The following SNTB1 variants were observed in gnomAD, a reference collection of about 807,000 sequenced individuals.
SNTB1 encodes the protein beta-1-syntrophin.
A neutral mutation model predicts 48.9 loss-of-function variants in SNTB1; 36 were observed. The observed-to-expected ratio is 0.74, with a 90% CI of 0.56 to 0.97. SNTB1 has a LOEUF of 0.97. Ranked by LOEUF, SNTB1 falls within the 50% of genes least tolerant of loss-of-function variation. SNTB1 has a pLI of 0.00. For synonymous variants in SNTB1, 299 were observed against 294.6 expected (o/e 1.01, Z -0.15); for missense variants, 786 against 703.4 (o/e 1.12, Z -1.33).
Position 120,669,738 on chromosome 8 carries a change from C to T in SNTB1, c.788+23954G>A, listed in dbSNP as rs192417370. On this transcript the variant is annotated intron_variant, in intron 2 of 6. Transcript: ENST00000517992. ...AAGTGCTGGGATTACAGGCGTGAGC[C>T]ACCGCGCCCGGCCGAAAATGCTTGT... Among the ~76,000 whole-genome samples the T allele has an allele frequency of 2.0e-4, 7 of 35,862 alleles. 3 individuals carry two copies. The African/African-American group carries it at 8.3e-3, about 42-fold the overall frequency. The allele number at this position is 35,862 out of a possible 152,430, so 23.5% of individuals were successfully genotyped here.
intron 4 of SNTB1, among the ~76,000 whole-genome samples, chr8:120,560,303 C>T (rs988524241): frequency 5.3e-5 from 8 of 151,994 alleles, no homozygotes; most frequent in Non-Finnish European, 1.0e-4. Context: ...GCCAACATGG[C>T]GAAACCCTGT....
chr8:120,742,322 A>G (rs191422313), intron 1 of SNTB1, among the ~76,000 whole-genome samples: 232 of 152,320 alleles, frequency 1.5e-3, no homozygotes, highest in Non-Finnish European at 2.9e-3. Context: ...AAGCAATAAA[A>G]AGAATTTTCA....
chr8:120,793,575 C>A (rs1006413351), intron 1 of SNTB1, among the ~76,000 whole-genome samples: 5 of 151,986 alleles, frequency 3.3e-5, no homozygotes, highest in African/African-American at 1.2e-4. Flanking sequence ...AAGGAACCAG[C>A]TCCAGTTCAA....
At chr8:120,773,304 A>C (rs781517441) in intron 1 of SNTB1, among the ~76,000 whole-genome samples, 18 of 152,186 alleles carry the variant, frequency 1.2e-4, no homozygotes, top group Non-Finnish European at 2.1e-4. Flanking sequence ...AAATTGTTTA[A>C]GCCCAGAGTT....
chr8:120,578,090 T>C (rs1453681927), intron 3 of SNTB1, among the ~76,000 whole-genome samples: 1 of 152,194 alleles, frequency 6.6e-6, no homozygotes, highest in East Asian at 1.9e-4. Flanking sequence ...TGGAGTGCAG[T>C]GGTGCGATCT....
chr8:120,778,441 A>G (rs1819774949), intron 1 of SNTB1, among the ~76,000 whole-genome samples: 1 of 152,136 alleles, frequency 6.6e-6, no homozygotes, highest in South Asian at 2.1e-4. Context: ...AGGAATCCTG[A>G]CCTCTAATTT....
At chr8:120,574,589 T>C (rs1815919963) in intron 4 of SNTB1, among the ~76,000 whole-genome samples, 1 of 152,172 alleles carries the variant, frequency 6.6e-6, no homozygotes, top group Admixed American at 6.5e-5. Flanking sequence ...CTGAAGGACC[T>C]GAAAAACCGA....
At chr8:120,768,016 G>A (rs1268170202) in intron 1 of SNTB1, among the ~76,000 whole-genome samples, 1 of 152,136 alleles carries the variant, frequency 6.6e-6, no homozygotes, top group Non-Finnish European at 1.5e-5. Context: ...ATCTTTCTGT[G>A]GCTCAGATTT....
intron 3 of SNTB1, among the ~76,000 whole-genome samples, chr8:120,579,100 C>T (rs1457187195): frequency 6.6e-6 from 1 of 152,076 alleles, no homozygotes; most frequent in Non-Finnish European, 1.5e-5. Flanking sequence ...TCACTTGAAC[C>T]CGGGAGGCAG....
chr8:120,671,081 C>T (rs1383727236), intron 2 of SNTB1, among the ~76,000 whole-genome samples: 1 of 152,196 alleles, frequency 6.6e-6, no homozygotes, highest in East Asian at 1.9e-4. Flanking sequence ...GCCTAGAAAA[C>T]CTGCTGAAAC....
At chr8:120,617,783 A>T (rs1307914355) in intron 3 of SNTB1, among the ~76,000 whole-genome samples, 4 of 152,234 alleles carry the variant, frequency 2.6e-5, no homozygotes, top group Non-Finnish European at 5.9e-5. Flanking sequence ...CAGTTAAGCC[A>T]AACAGGGTGA....
chr8:120,637,456 T>G (rs1817101193), intron 2 of SNTB1: 1 of 193,090 alleles, frequency 5.2e-6, no homozygotes, highest in South Asian at 1.0e-4. Flanking sequence ...AAGGCTTTGA[T>G]TTTTTAGGTT....
chr8:120,699,084 G>A (rs888198430), intron 1 of SNTB1, among the ~76,000 whole-genome samples: 9 of 152,228 alleles, frequency 5.9e-5, no homozygotes, highest in African/African-American at 2.2e-4. Flanking sequence ...TCAGGCTTCT[G>A]CTTCCTGACT....
intron 4 of SNTB1, among the ~76,000 whole-genome samples, chr8:120,564,127 A>G (rs1308920492): frequency 6.6e-6 from 1 of 151,664 alleles, no homozygotes; most frequent in Non-Finnish European, 1.5e-5. Flanking sequence ...AAAAAAAAAA[A>G]GAATTATGTA....
chr8:120,797,537 C>A (rs573857269), intron 1 of SNTB1, among the ~76,000 whole-genome samples: 2 of 118,410 alleles, frequency 1.7e-5, no homozygotes, highest in East Asian at 2.6e-4. Context: ...ACCAAAGCAA[C>A]TTGTTTCTCT....
At chr8:120,785,086 C>T (rs752995863) in intron 1 of SNTB1, among the ~76,000 whole-genome samples, 1 of 152,200 alleles carries the variant, frequency 6.6e-6, no homozygotes, top group Non-Finnish European at 1.5e-5. Flanking sequence ...CTTCATTCCA[C>T]CTCACAGGGG....
At chr8:120,771,708 CCAAA>C (rs925676476) in intron 1 of SNTB1, among the ~76,000 whole-genome samples, 72 of 151,396 alleles carry the variant, frequency 4.8e-4, no homozygotes, top group Middle Eastern at 6.8e-3. Context: ...AAACTTAAAC[CCAAA>C]CAGAGAGCTT....
chr8:120,725,478 G>A (rs1818736709), intron 1 of SNTB1, among the ~76,000 whole-genome samples: 1 of 152,178 alleles, frequency 6.6e-6, no homozygotes, highest in Non-Finnish European at 1.5e-5. Context: ...TGATGGAAAG[G>A]AAGCACGAGG....
chr8:120,722,266 T>A (rs1260376628), intron 1 of SNTB1, among the ~76,000 whole-genome samples: 2 of 152,216 alleles, frequency 1.3e-5, no homozygotes, highest in Non-Finnish European at 2.9e-5. Flanking sequence ...TACCCAGTAA[T>A]GGGATTGCTG....
Sources: gnomAD v4.1 joint callset for allele counts (sites outside exome capture counted in the v4.1 genomes callset) on GRCh38, gnomAD v4.1.1 for gene constraint, MANE v1.5 for transcripts, NCBI Gene and HGNC (gene_info 2026-07-23, HGNC 2026-07-21) for gene names.